The following ABCA6 variants were observed in gnomAD, a reference collection of about 807,000 sequenced individuals.
ABCA6 encodes the protein ATP binding cassette subfamily A member 6, also known as ATP-binding cassette sub-family A member 6.
In ABCA6, 164 loss-of-function variants were observed where a neutral mutation model predicts 191.2. That is an observed-to-expected ratio of 0.86 (90% CI 0.76 to 0.98). The LOEUF is 0.98. ABCA6 is among the 50% of genes least tolerant of loss of function. The probability of loss-of-function intolerance (pLI) is 0.00; values close to 1 mark genes in which losing one functional copy is unlikely to be tolerated. For missense variants in ABCA6, 1,958 were observed against 1,894.1 expected, an observed-to-expected ratio of 1.03 and a Z score of -0.63; for synonymous variants, 636 against 647.7, an observed-to-expected ratio of 0.98 and a Z score of 0.27.
chr17:69,081,189 G>C, intron 36 of ABCA6, 44 bp from the exon 37 acceptor site: 1 of 1,015,838 alleles, frequency 9.8e-7, no homozygotes, highest in Non-Finnish European at 1.5e-6. Context: ...GTTTCAAGGG[G>C]AGAAAATGAG....
chr17:69,133,560 A>C (rs1251435843), intron 6 of ABCA6, 81 bp downstream of exon 6: 3 of 1,066,280 alleles, frequency 2.8e-6, no homozygotes, highest in Non-Finnish European at 4.1e-6. Context: ...TTAAACCATG[A>C]TGCTCTGAAA....
intron 34 of ABCA6, among the ~76,000 whole-genome samples, chr17:69,083,792 A>G (rs1307523432): frequency 6.6e-6 from 1 of 152,220 alleles, no homozygotes; most frequent in African/African-American, 2.4e-5. Context: ...TAGATTGAAG[A>G]TTTTATTATT....
At chr17:69,120,310 CT>C (rs1568026043) in intron 10 of ABCA6, among the ~76,000 whole-genome samples, 1 of 151,992 alleles carries the variant, frequency 6.6e-6, no homozygotes. Context: ...AATATGTCAG[CT>C]TTAAAAGCCT....
At position 69,086,621 on chromosome 17, in the gene ABCA6, C is replaced by G. The variant is rs772025517; in HGVS notation, c.3934G>C (p.Glu1312Gln). The G allele has an allele frequency of 6.2e-7, 1 of 1,605,790 alleles. No homozygotes were observed. The highest frequency in any genetic ancestry group is 8.5e-7 in the Non-Finnish European group (1 of 1,173,466). ...AARNISFCVQ[E>Q]GEILGLLGPN... ...TTTAAAAGGGATTATTACAGACCTT[C>G]TTGAACACAGAAAGAGATATTTCTT... The change falls in exon 30 of 39, where the codon GAA becomes CAA. Residue 1312 changes from glutamate to glutamine, a missense_variant. Coordinates refer to ENST00000284425, the MANE Select transcript of ABCA6 (RefSeq NM_080284.3).
intron 11 of ABCA6, chr17:69,115,802 G>A (rs2073527510): frequency 6.0e-6 from 1 of 167,908 alleles, no homozygotes; most frequent in African/African-American, 2.4e-5. Context: ...TAGAAAGATG[G>A]TTTATTTAAT....
chr17:69,082,328 A>AACACACACAC (rs61523425), intron 36 of ABCA6, among the ~76,000 whole-genome samples: 1 of 144,794 alleles, frequency 6.9e-6, no homozygotes, highest in Non-Finnish European at 1.5e-5. Flanking sequence ...GACATACACA[A>AACACACACAC]ACACACACAC....
intron 21 of ABCA6, among the ~76,000 whole-genome samples, chr17:69,101,168 A>G (rs1352849163): frequency 6.6e-6 from 1 of 152,242 alleles, no homozygotes; most frequent in Non-Finnish European, 1.5e-5. Context: ...CAGAGTCAGC[A>G]TACAATCAAT....
At chr17:69,121,927 C>T (rs1200564991) in intron 10 of ABCA6, among the ~76,000 whole-genome samples, 2 of 151,996 alleles carry the variant, frequency 1.3e-5, no homozygotes, top group African/African-American at 4.8e-5. Flanking sequence ...GCTGTTGCCC[C>T]TCTCAGAAAA....
rs1174500071 is a variant in ABCA6 at position 69,133,808 on chromosome 17, C to T, written c.624G>A (p.Lys208=). The T allele has an allele frequency of 6.2e-7, 1 of 1,612,726 alleles. No individual in the cohort carries two copies. Among genetic ancestry groups the T allele is most frequent in the Non-Finnish European group, 8.5e-7 (1 of 1,179,294 alleles). ...GATTTTTAGTTATGAAAGGTAATGT[C>T]TTCATAGTTATAGCAGTAACTGACA... ...ELMSVTAITM[K]TLPFITKNLL... Residue 208 remains lysine, a synonymous_variant, in exon 6 of 39, where the codon AAG becomes AAA. Transcript: ENST00000284425.
chr17:69,129,339 A>G (rs1236271660), intron 7 of ABCA6, among the ~76,000 whole-genome samples: 3 of 152,112 alleles, frequency 2.0e-5, no homozygotes, highest in Non-Finnish European at 1.5e-5. Context: ...TACAGAAAAG[A>G]CTTTGATATT....
intron 10 of ABCA6, among the ~76,000 whole-genome samples, chr17:69,119,853 C>T (rs1247763606): frequency 6.6e-6 from 1 of 151,944 alleles, no homozygotes; most frequent in Non-Finnish European, 1.5e-5. Context: ...TTAGAAACAA[C>T]TAGAATATTT....
chr17:69,129,858 T>C, intron 6 of ABCA6, 107 bp from the exon 7 acceptor site: 1 of 789,458 alleles, frequency 1.3e-6, no homozygotes, highest in Non-Finnish European at 2.0e-6. Context: ...TTGTACCTTC[T>C]AGATTAATAA....
chr17:69,104,088 A>T (rs2073239609), intron 20 of ABCA6: 1 of 151,938 alleles, frequency 6.6e-6, no homozygotes, highest in African/African-American at 2.4e-5. Flanking sequence ...CTCCACAGTC[A>T]CTTGAGGTGC....
Position 69,115,502 on chromosome 17 carries a change from A to G in ABCA6, c.1496-16T>C, listed in dbSNP as rs376357241. ...AAGAGCAAGCCTATTTTTAGAACAA[A>G]TTGTTAACAAATTATTAACAGTATA... On this transcript the variant is annotated splice_polypyrimidine_tract_variant and intron_variant, in intron 11 of 38. Coordinates refer to ENST00000284425, the MANE Select transcript of ABCA6 (RefSeq NM_080284.3). The G allele has an allele frequency of 3.1e-6, 5 of 1,587,564 alleles. No individual in the cohort carries two copies. The African/African-American group carries it at 6.7e-5, about 21-fold the overall frequency.
At chr17:69,098,256 T>C (rs1033606648) in intron 22 of ABCA6, 13 of 433,444 alleles carry the variant, frequency 3.0e-5, no homozygotes, top group Middle Eastern at 6.0e-4. Flanking sequence ...TCCAAAAGAA[T>C]TGAAAGCAAG....
At chr17:69,127,592 ATAAC>A in intron 8 of ABCA6, among the ~76,000 whole-genome samples, 1 of 152,258 alleles carries the variant, frequency 6.6e-6, no homozygotes, top group Non-Finnish European at 1.5e-5. Context: ...AACCATCAGA[ATAAC>A]TAAAATTTGA....
At chr17:69,087,685 A>T in intron 28 of ABCA6, 2 of 600,234 alleles carry the variant, frequency 3.3e-6, no homozygotes, top group Non-Finnish European at 2.9e-6. Flanking sequence ...TCTTCTGGTA[A>T]GAATCTTTGA....
At chr17:69,102,992 G>A (rs773956453) in intron 20 of ABCA6, 24 bp from the exon 21 acceptor site, 5 of 1,379,992 alleles carry the variant, frequency 3.6e-6, no homozygotes, top group African/African-American at 2.9e-5. Flanking sequence ...AATAAGAGAA[G>A]GCCATAGAAA....
chr17:69,102,796 C>T (rs1281316073), intron 21 of ABCA6, 39 bp downstream of exon 21: 6 of 1,551,696 alleles, frequency 3.9e-6, no homozygotes, highest in Non-Finnish European at 5.2e-6. Flanking sequence ...AAATGTAGTA[C>T]TTTTTGTTTT....
Sources: allele counts gnomAD v4.1 joint callset (sites outside exome capture counted in the v4.1 genomes callset), GRCh38; gene constraint gnomAD v4.1.1; transcripts MANE v1.5; gene names NCBI Gene and HGNC (gene_info 2026-07-23, HGNC 2026-07-21).